Variants in ITFG1 observed in about 807,000 individuals in gnomAD.
The protein encoded by ITFG1 is integrin alpha FG-GAP repeat containing 1, also known as T-cell immunomodulatory protein.
In ITFG1, 34 loss-of-function variants were observed where a neutral mutation model predicts 81.8. That is an observed-to-expected ratio of 0.42 (90% CI 0.32 to 0.55). The LOEUF (loss-of-function observed/expected upper bound fraction) is 0.55, where lower values mean the gene tolerates loss of function less well. ITFG1 is among the 20% of genes least tolerant of loss of function. The pLI, the probability that ITFG1 is intolerant of heterozygous loss-of-function variation, is 0.17. For missense variants in ITFG1, 672 were observed against 755.4 expected (o/e 0.89, Z 1.29); for synonymous variants, 285 against 270.6 (o/e 1.05, Z -0.52).
intron 5 of ITFG1, among the ~76,000 whole-genome samples, chr16:47,442,115 A>G (rs1179681310): frequency 6.6e-6 from 1 of 152,190 alleles, no homozygotes. Context: ...TAGGAATCCA[A>G]CTTACAAGGG....
At chr16:47,237,516 GA>G in intron 13 of ITFG1, among the ~76,000 whole-genome samples, 1 of 152,212 alleles carries the variant, frequency 6.6e-6, no homozygotes, top group South Asian at 2.1e-4. Flanking sequence ...TTATTTCACT[GA>G]AACATTCTAT....
chr16:47,298,951 T>C (rs1425063300), intron 10 of ITFG1, among the ~76,000 whole-genome samples: 2 of 151,988 alleles, frequency 1.3e-5, no homozygotes, highest in Admixed American at 6.5e-5. Flanking sequence ...GTGGTAAAGC[T>C]GAGTAAAGCC....
At chr16:47,295,068 GA>G (rs373272417) in intron 10 of ITFG1, among the ~76,000 whole-genome samples, 258 of 152,274 alleles carry the variant, frequency 1.7e-3, no homozygotes, top group African/African-American at 5.9e-3. Context: ...TTATCATGAA[GA>G]GATGAATTTC....
chr16:47,351,891 C>A (rs1009939877), intron 8 of ITFG1, among the ~76,000 whole-genome samples: 1 of 152,226 alleles, frequency 6.6e-6, no homozygotes, highest in Middle Eastern at 3.4e-3. Context: ...GAACAGACCC[C>A]TCAGAAATAA....
At chr16:47,328,971 T>G (rs1475620056) in intron 8 of ITFG1, among the ~76,000 whole-genome samples, 1 of 152,116 alleles carries the variant, frequency 6.6e-6, no homozygotes, top group Non-Finnish European at 1.5e-5. Context: ...GTCAGTACGA[T>G]CCTGCATTCA....
intron 13 of ITFG1, among the ~76,000 whole-genome samples, chr16:47,219,320 A>C (rs1965663130): frequency 6.6e-6 from 1 of 152,184 alleles, no homozygotes. Context: ...ATATCAACAT[A>C]AATAAAATCC....
At chr16:47,303,027 T>C (rs942558669) in intron 10 of ITFG1, among the ~76,000 whole-genome samples, 11 of 152,124 alleles carry the variant, frequency 7.2e-5, no homozygotes, top group African/African-American at 2.7e-4. Context: ...ATCCCAGCAC[T>C]TTGGGAGGCT....
At chr16:47,325,801 A>G (rs1027168791) in intron 8 of ITFG1, among the ~76,000 whole-genome samples, 2 of 152,214 alleles carry the variant, frequency 1.3e-5, no homozygotes, top group African/African-American at 4.8e-5. Flanking sequence ...GAATAGACCA[A>G]TAACAGGCTC....
At chr16:47,181,142 T>C (rs1173774887) in intron 14 of ITFG1, among the ~76,000 whole-genome samples, 1 of 142,094 alleles carries the variant, frequency 7.0e-6, no homozygotes, top group African/African-American at 2.7e-5. Context: ...GGAGCGCCGC[T>C]GCCCCACCGC....
chr16:47,208,928 G>C (rs1002526572), intron 14 of ITFG1, among the ~76,000 whole-genome samples: 1 of 152,120 alleles, frequency 6.6e-6, no homozygotes, highest in Admixed American at 6.5e-5. Flanking sequence ...TCTGGGAATT[G>C]AGAGACAAGA....
rs1965571672 is a variant in ITFG1, at chr16:47,212,217, C to CT, written c.1453+6650dup. Among the ~76,000 whole-genome samples the CT allele has an allele frequency of 4.6e-5, 7 of 151,928 alleles. No homozygotes were observed. The South Asian group carries it at 1.5e-3, about 32-fold the overall frequency. ...GATTGTACAGAATTTGAAGTTAACT[C>CT]TATTTTATTTTTTTGAGACGGGGTC... On this transcript the variant is annotated intron_variant, in intron 14 of 17. Coordinates refer to ENST00000320640, the MANE Select transcript of ITFG1 (RefSeq NM_030790.5).
intron 8 of ITFG1, among the ~76,000 whole-genome samples, chr16:47,363,437 A>ACAGCTCACTGCAGCCTTGACCC (rs1968135003): frequency 6.6e-6 from 1 of 152,058 alleles, no homozygotes; most frequent in Non-Finnish European, 1.5e-5. Context: ...TGGCTTGACC[A>ACAGCTCACTGCAGCCTTGACCC]CAGCTCACTG....
chr16:47,326,971 C>G (rs1317701568), intron 8 of ITFG1, among the ~76,000 whole-genome samples: 1 of 152,180 alleles, frequency 6.6e-6, no homozygotes, highest in East Asian at 1.9e-4. Flanking sequence ...TTGGAAAAAA[C>G]TACTTTAAAG....
At position 47,179,150 on chromosome 16, in the gene ITFG1, A is replaced by G. The variant is rs1364488547; in HGVS notation, c.1454-16486T>C. Among the ~76,000 whole-genome samples, 13 of 152,338 alleles carry G rather than the reference A, an allele frequency of 8.5e-5. No individual in the cohort carries two copies. The South Asian group carries it at 2.7e-3, about 32-fold the overall frequency. ...GGTGGGACTGTAAACTAGTTCAACC[A>G]TTGTGGAAGACAGTGTGGCAATTCC... is the stretch of plus-strand genomic sequence containing the variant. On this transcript the variant is annotated intron_variant, in intron 14 of 17. Coordinates refer to ENST00000320640, the MANE Select transcript of ITFG1 (RefSeq NM_030790.5).
intron 10 of ITFG1, among the ~76,000 whole-genome samples, chr16:47,284,729 A>G (rs1966863355): frequency 6.6e-6 from 1 of 152,188 alleles, no homozygotes; most frequent in East Asian, 1.9e-4. Context: ...TTTGAAATGT[A>G]TCTTTAAAAA....
At chr16:47,459,359 C>G (rs943453394) in intron 1 of ITFG1, among the ~76,000 whole-genome samples, 184 bp from the exon 2 acceptor site, 17 of 152,166 alleles carry the variant, frequency 1.1e-4, no homozygotes, top group African/African-American at 4.1e-4. Context: ...ATCACAAGTT[C>G]AATGTTCAAA....
At chr16:47,294,668 A>C (rs994828651) in intron 10 of ITFG1, among the ~76,000 whole-genome samples, 3 of 151,942 alleles carry the variant, frequency 2.0e-5, no homozygotes, top group Non-Finnish European at 4.4e-5. Flanking sequence ...CTTGATTTGT[A>C]TTGGTGTATA....
intron 8 of ITFG1, among the ~76,000 whole-genome samples, chr16:47,358,802 T>C (rs1968073023): frequency 6.6e-6 from 1 of 152,216 alleles, no homozygotes; most frequent in Non-Finnish European, 1.5e-5. Flanking sequence ...TTAGTATTTA[T>C]AATGTGACTG....
intron 13 of ITFG1, among the ~76,000 whole-genome samples, chr16:47,226,641 C>G (rs145885926): frequency 3.3e-5 from 5 of 150,554 alleles, no homozygotes; most frequent in Admixed American, 2.0e-4. Flanking sequence ...TTTCTCCTTG[C>G]GACAGTTCGC....
Sources: gnomAD v4.1 joint callset for allele counts (sites outside exome capture counted in the v4.1 genomes callset) on GRCh38, gnomAD v4.1.1 for gene constraint, MANE v1.5 for transcripts, NCBI Gene and HGNC (gene_info 2026-07-23, HGNC 2026-07-21) for gene names.